Variants in PACRG observed in about 807,000 individuals in gnomAD.
The protein encoded by PACRG is parkin coregulated gene protein.
In PACRG, 29 loss-of-function variants were observed where a neutral mutation model predicts 29.7. The observed-to-expected ratio is 0.98, with a 90% CI of 0.73 to 1.33. PACRG has a LOEUF of 1.33. Among genes scored for constraint, PACRG ranks in the 40% most tolerant of loss-of-function variants. The probability of loss-of-function intolerance (pLI) is 0.00; values close to 1 mark genes in which losing one functional copy is unlikely to be tolerated. For synonymous variants in PACRG, 116 were observed against 118.7 expected, an observed-to-expected ratio of 0.98 and a Z score of 0.15; for missense variants, 279 against 316.2, an observed-to-expected ratio of 0.88 and a Z score of 0.89.
At chr6:162,928,241 G>C (rs749085932) in intron 2 of PACRG, among the ~76,000 whole-genome samples, 5 of 151,840 alleles carry the variant, frequency 3.3e-5, no homozygotes, top group Non-Finnish European at 7.4e-5. Flanking sequence ...GCTCAATTTT[G>C]GTAGGTTATA....
At chr6:162,765,770 T>C (rs9365488) in intron 1 of PACRG, among the ~76,000 whole-genome samples, 39,745 of 151,952 alleles carry the variant, frequency 0.26, 6,005 homozygotes, top group East Asian at 0.48. Context: ...ATTGGATTCT[T>C]TAAATGCTAA....
chr6:163,300,942 C>T (rs1384822980), intron 4 of PACRG, among the ~76,000 whole-genome samples: 5 of 110,314 alleles, frequency 4.5e-5, no homozygotes, highest in Admixed American at 9.4e-5. Flanking sequence ...CACTGCTTCC[C>T]GTGAGTTTAG....
intron 4 of PACRG, among the ~76,000 whole-genome samples, chr6:163,286,470 A>G (rs571045205): frequency 8.5e-5 from 13 of 152,356 alleles, no homozygotes; most frequent in Non-Finnish European, 1.9e-4. Flanking sequence ...AACATTATTT[A>G]AAGACCATAC....
intron 4 of PACRG, among the ~76,000 whole-genome samples, chr6:163,289,973 G>A (rs1240719593): frequency 3.3e-5 from 5 of 151,922 alleles, no homozygotes; most frequent in African/African-American, 9.7e-5. Flanking sequence ...TCAGCCTCCC[G>A]AGTAGCTGGG....
At chr6:163,271,443 C>A (rs1262264394) in intron 4 of PACRG, among the ~76,000 whole-genome samples, 1 of 152,098 alleles carries the variant, frequency 6.6e-6, no homozygotes, top group Non-Finnish European at 1.5e-5. Context: ...GAAATTGAGC[C>A]ATAGTTTGAT....
At position 162,985,204 on chromosome 6, in the gene PACRG, A is replaced by G. The variant is rs571330569; in HGVS notation, c.292-76946A>G. On this transcript the variant is annotated intron_variant, in intron 2 of 4. Coordinates refer to ENST00000366888, the MANE Select transcript of PACRG (RefSeq NM_001080379.2). ...AGGGAATCCTCCTTTCAGTCATTCT[A>G]TGAAGCCAGTACCACCCTAATACCA... Among the ~76,000 whole-genome samples, 26 of 152,226 alleles carry G rather than the reference A, an allele frequency of 1.7e-4. No individual in the cohort carries two copies. The Middle Eastern group carries it at 0.01, about 60-fold the overall frequency.
chr6:163,183,823 C>A (rs76262361), intron 4 of PACRG, among the ~76,000 whole-genome samples: 1,740 of 152,220 alleles, frequency 0.011, 34 homozygotes, highest in African/African-American at 0.04. Context: ...ATAACTGTAA[C>A]GAAACTGTAG....
intron 4 of PACRG, among the ~76,000 whole-genome samples, chr6:163,103,278 C>G (rs1332333099): frequency 6.6e-6 from 1 of 152,198 alleles, no homozygotes; most frequent in Non-Finnish European, 1.5e-5. Flanking sequence ...ACTGAGGTCT[C>G]CATTTCCTGG....
At chr6:163,135,636 A>G (rs1021133136) in intron 4 of PACRG, among the ~76,000 whole-genome samples, 1 of 152,242 alleles carries the variant, frequency 6.6e-6, no homozygotes, top group Non-Finnish European at 1.5e-5. Context: ...CTCTTAGTAT[A>G]TGTGAGCTGG....
At chr6:162,810,624 T>A (rs1304150078) in intron 1 of PACRG, among the ~76,000 whole-genome samples, 1 of 152,146 alleles carries the variant, frequency 6.6e-6, no homozygotes, top group African/African-American at 2.4e-5. Flanking sequence ...AAATAGAAAT[T>A]GTAGAACTGA....
chr6:163,191,650 A>C (rs1166310070), intron 4 of PACRG: 2 of 456,158 alleles, frequency 4.4e-6, no homozygotes, highest in Non-Finnish European at 8.8e-6. Flanking sequence ...CCACCAGGTG[A>C]CTTATCTGTG....
chr6:162,968,916 G>A (rs1454604937), intron 2 of PACRG, among the ~76,000 whole-genome samples: 1 of 151,556 alleles, frequency 6.6e-6, no homozygotes, highest in Non-Finnish European at 1.5e-5. Context: ...GCGTGGTGGC[G>A]GGCGCCTGTA....
chr6:162,992,698 G>C (rs1803562323), intron 2 of PACRG, among the ~76,000 whole-genome samples: 1 of 116,174 alleles, frequency 8.6e-6, no homozygotes, highest in Non-Finnish European at 1.8e-5. Flanking sequence ...CCAGCTCCTG[G>C]ATTCATTGAT....
intron 4 of PACRG, chr6:163,244,850 T>C (rs1382879914): frequency 1.1e-5 from 3 of 267,646 alleles, no homozygotes; most frequent in Non-Finnish European, 2.3e-5. Context: ...AAACAAAGTA[T>C]TTTAGCCACT....
At chr6:163,268,259 G>A (rs191676932) in intron 4 of PACRG, among the ~76,000 whole-genome samples, 96 of 152,020 alleles carry the variant, frequency 6.3e-4, no homozygotes, top group African/African-American at 2.1e-3. Flanking sequence ...AAAATTAGCC[G>A]GGCGTGGTGG....
At chr6:163,309,230 G>T (rs1231808994) in intron 4 of PACRG, among the ~76,000 whole-genome samples, 3 of 152,196 alleles carry the variant, frequency 2.0e-5, no homozygotes, top group Non-Finnish European at 2.9e-5. Flanking sequence ...ACATGCCAAC[G>T]GCCAGAGCAC....
chr6:163,296,484 G>A (rs1196697708), intron 4 of PACRG, among the ~76,000 whole-genome samples: 1 of 152,054 alleles, frequency 6.6e-6, no homozygotes, highest in African/African-American at 2.4e-5. Context: ...TAGTAGAGAC[G>A]GGGTTTCACC....
chr6:162,959,259 T>C (rs1387219454), intron 2 of PACRG, among the ~76,000 whole-genome samples: 1 of 151,900 alleles, frequency 6.6e-6, no homozygotes, highest in African/African-American at 2.4e-5. Context: ...AAGACAATAA[T>C]TGTTAAAAGA....
chr6:162,819,255 A>C (rs370570378), intron 2 of PACRG, among the ~76,000 whole-genome samples: 4 of 152,210 alleles, frequency 2.6e-5, no homozygotes, highest in African/African-American at 9.7e-5. Context: ...GAGAATATGA[A>C]ATCTCACCAT....
Sources: allele counts gnomAD v4.1 joint callset (sites outside exome capture counted in the v4.1 genomes callset), GRCh38; gene constraint gnomAD v4.1.1; transcripts MANE v1.5; gene names NCBI Gene and HGNC (gene_info 2026-07-23, HGNC 2026-07-21).